The following CADM2 variants were observed in gnomAD, a reference collection of about 807,000 sequenced individuals.
CADM2 encodes the protein cell adhesion molecule 2.
A neutral mutation model predicts 49.8 loss-of-function variants in CADM2; 12 were observed. That is an observed-to-expected ratio of 0.24 (90% CI 0.15 to 0.39). The LOEUF (loss-of-function observed/expected upper bound fraction) is 0.39. Among genes scored for constraint, CADM2 ranks in the 10% least tolerant of loss-of-function variants. CADM2 has a pLI of 1.00. For synonymous variants in CADM2, 214 were observed against 175.4 expected, an observed-to-expected ratio of 1.22 and a Z score of -1.74; for missense variants, 378 against 492.3, an observed-to-expected ratio of 0.77 and a Z score of 2.20.
intron 5 of CADM2, among the ~76,000 whole-genome samples, chr3:85,906,874 C>A (rs1436734357): frequency 6.6e-6 from 1 of 151,456 alleles, no homozygotes; most frequent in African/African-American, 2.5e-5. Flanking sequence ...TTAAGACACA[C>A]ACAAAAAAGT....
At chr3:85,130,333 TCCA>T (rs1241427331) in intron 1 of CADM2, among the ~76,000 whole-genome samples, 1 of 152,154 alleles carries the variant, frequency 6.6e-6, no homozygotes, top group Non-Finnish European at 1.5e-5. Flanking sequence ...CATTATTTTA[TCCA>T]TAGTTTTCCT....
intron 1 of CADM2, among the ~76,000 whole-genome samples, chr3:85,572,237 C>G (rs989843017): frequency 6.6e-6 from 1 of 151,974 alleles, no homozygotes; most frequent in African/African-American, 2.4e-5. Flanking sequence ...GCGGAGGTTG[C>G]AATTGTGCCA....
intron 1 of CADM2, among the ~76,000 whole-genome samples, chr3:85,123,919 G>A (rs2038944868): frequency 6.6e-6 from 1 of 152,194 alleles, no homozygotes; most frequent in Non-Finnish European, 1.5e-5. Context: ...ATAGGAGACA[G>A]AAGCCATATC....
intron 3 of CADM2, among the ~76,000 whole-genome samples, chr3:85,862,703 A>G (rs911871271): frequency 2.0e-5 from 3 of 152,180 alleles, no homozygotes; most frequent in Admixed American, 2.0e-4. Flanking sequence ...TATTTTGACT[A>G]TAAGATGAAA....
intron 1 of CADM2, among the ~76,000 whole-genome samples, chr3:85,526,540 T>G (rs35738543): frequency 0.51 from 78,310 of 152,098 alleles, 23,145 homozygotes; most frequent in East Asian, 0.85. Flanking sequence ...TCAGATGACC[T>G]GGATTAAAAT....
intron 5 of CADM2, among the ~76,000 whole-genome samples, chr3:85,904,308 G>C (rs1250065536): frequency 6.6e-6 from 1 of 152,162 alleles, no homozygotes; most frequent in African/African-American, 2.4e-5. Flanking sequence ...AAAGAAGAGA[G>C]TCCCAACCTT....
chr3:85,112,040 T>C (rs1470141176), intron 1 of CADM2, among the ~76,000 whole-genome samples: 1 of 151,966 alleles, frequency 6.6e-6, no homozygotes, highest in Non-Finnish European at 1.5e-5. Context: ...TATTAATTTC[T>C]AAGTTTTTAA....
At chr3:85,891,424 T>C (rs1714418627) in intron 5 of CADM2, among the ~76,000 whole-genome samples, 1 of 152,170 alleles carries the variant, frequency 6.6e-6, no homozygotes, top group African/African-American at 2.4e-5. Context: ...TCCACACCCT[T>C]GTATAAACCC....
At chr3:85,728,287 T>G (rs1288326794) in intron 2 of CADM2, among the ~76,000 whole-genome samples, 7 of 152,188 alleles carry the variant, frequency 4.6e-5, no homozygotes, top group Admixed American at 2.0e-4. Context: ...TTAGCCATTT[T>G]ATTTGACTCT....
intron 8 of CADM2, chr3:86,013,060 C>T (rs1402574870): frequency 2.4e-6 from 3 of 1,264,194 alleles, no homozygotes; most frequent in East Asian, 4.6e-5. Flanking sequence ...AGAACTAGTC[C>T]TTATAGGACA....
intron 1 of CADM2, among the ~76,000 whole-genome samples, chr3:85,036,844 T>C (rs549437091): frequency 6.6e-6 from 1 of 151,914 alleles, no homozygotes; most frequent in South Asian, 2.1e-4. Context: ...AACTACATTA[T>C]GGGATTGCTA....
chr3:85,946,293 T>G (rs548387037), intron 7 of CADM2, among the ~76,000 whole-genome samples: 1 of 150,198 alleles, frequency 6.7e-6, no homozygotes, highest in Non-Finnish European at 1.5e-5. Context: ...CACAATCAAA[T>G]GGAGGAACAT....
At chr3:86,048,652 C>T (rs2107305813) in intron 8 of CADM2, among the ~76,000 whole-genome samples, 1 of 152,196 alleles carries the variant, frequency 6.6e-6, no homozygotes, top group African/African-American at 2.4e-5. Context: ...TATACTACAG[C>T]TATCCTGTGG....
intron 1 of CADM2, among the ~76,000 whole-genome samples, chr3:85,499,702 G>T (rs1057009080): frequency 2.0e-5 from 3 of 151,980 alleles, no homozygotes; most frequent in Non-Finnish European, 4.4e-5. Flanking sequence ...AAGAAAGTAA[G>T]GTGTTTCTAT....
intron 1 of CADM2, among the ~76,000 whole-genome samples, chr3:85,279,657 A>G (rs2043451646): frequency 6.6e-6 from 1 of 151,446 alleles, no homozygotes; most frequent in Admixed American, 6.6e-5. Flanking sequence ...TTTTTTAGTT[A>G]TCTAAAATAT....
At chr3:85,538,433 G>C (rs1297941221) in intron 1 of CADM2, among the ~76,000 whole-genome samples, 3 of 132,786 alleles carry the variant, frequency 2.3e-5, no homozygotes, top group African/African-American at 4.9e-5. Flanking sequence ...CTGAGATGCA[G>C]GTTCAGGTCT....
chr3:85,803,384 A>G (rs1180714652), intron 3 of CADM2, among the ~76,000 whole-genome samples: 3 of 152,268 alleles, frequency 2.0e-5, no homozygotes, highest in Admixed American at 1.3e-4. Context: ...GAAATACATT[A>G]TATCATACAT....
chr3:85,364,431 T>C (rs1032335741), intron 1 of CADM2, among the ~76,000 whole-genome samples: 1 of 152,164 alleles, frequency 6.6e-6, no homozygotes. Context: ...CTCAGTAGAA[T>C]TATGTCACAG....
intron 1 of CADM2, among the ~76,000 whole-genome samples, chr3:85,155,639 T>A (rs1298494014): frequency 6.6e-6 from 1 of 151,996 alleles, no homozygotes; most frequent in East Asian, 1.9e-4. Flanking sequence ...GAATATACAT[T>A]TTTTTCAGCA....
Sources: gnomAD v4.1 joint callset for allele counts (sites outside exome capture counted in the v4.1 genomes callset) on GRCh38, gnomAD v4.1.1 for gene constraint, MANE v1.5 for transcripts, NCBI Gene and HGNC (gene_info 2026-07-23, HGNC 2026-07-21) for gene names.